DYNLL1: variants seen among roughly 807,000 people sequenced by gnomAD.
The protein encoded by DYNLL1 is dynein light chain LC8-type 1.
In DYNLL1, 3 loss-of-function variants were observed where a neutral mutation model predicts 10.1. The ratio of observed to expected loss-of-function variants is 0.30; its 90% confidence interval spans 0.14 to 0.77. The LOEUF is 0.77. DYNLL1 is among the 30% of genes least tolerant of loss of function. DYNLL1 has a pLI of 0.66. For missense variants in DYNLL1, 47 were observed against 111.7 expected (o/e 0.42, Z 2.61); for synonymous variants, 46 against 41.2 (o/e 1.12, Z -0.45).
intron 1 of DYNLL1, among the ~76,000 whole-genome samples, chr12:120,489,699 C>G (rs1024573727): frequency 3.3e-5 from 5 of 152,166 alleles, no homozygotes; most frequent in African/African-American, 9.7e-5. Flanking sequence ...TCCTAGAAAA[C>G]TCTTTAAAAC....
chr12:120,486,316 C>T (rs1490533614), intron 1 of DYNLL1, among the ~76,000 whole-genome samples: 1 of 152,064 alleles, frequency 6.6e-6, no homozygotes, highest in African/African-American at 2.4e-5. Context: ...CTGGAAGAAA[C>T]AGATTATTAT....
intron 1 of DYNLL1, among the ~76,000 whole-genome samples, chr12:120,480,065 G>A (rs1306768386): frequency 2.0e-5 from 3 of 152,152 alleles, no homozygotes; most frequent in Non-Finnish European, 4.4e-5. Flanking sequence ...GCAAAAGGAT[G>A]CTTGTTTGGA....
intron 1 of DYNLL1, among the ~76,000 whole-genome samples, chr12:120,477,102 T>C (rs1191585648): frequency 6.6e-6 from 1 of 151,108 alleles, no homozygotes; most frequent in Non-Finnish European, 1.5e-5. Context: ...GATAATTTTG[T>C]ATTTTTAGTA....
intron 1 of DYNLL1, among the ~76,000 whole-genome samples, chr12:120,489,404 T>A (rs1325577557): frequency 6.6e-6 from 1 of 152,252 alleles, no homozygotes; most frequent in East Asian, 1.9e-4. Flanking sequence ...CTCACAAGTC[T>A]GGAGTCATCC....
At chr12:120,495,992 G>A (rs988990971), upstream of DYNLL1, 1 of 267,274 alleles carries the variant, frequency 3.7e-6, no homozygotes. Flanking sequence ...GGAGTCAATG[G>A]ACCAATGGAA....
chr12:120,494,696 T>TC (rs1178085678), upstream of DYNLL1, among the ~76,000 whole-genome samples: 107 of 152,254 alleles, frequency 7.0e-4, 3 homozygotes, highest in Non-Finnish European at 1.2e-4. Context: ...GCTCAAGCGA[T>TC]CCCCTTGACT....
intron 1 of DYNLL1, among the ~76,000 whole-genome samples, chr12:120,472,297 C>T (rs1367677287): frequency 6.6e-6 from 1 of 152,158 alleles, no homozygotes; most frequent in African/African-American, 2.4e-5. Context: ...TTAGCATGCA[C>T]TACTTTTATA....
intron 1 of DYNLL1, among the ~76,000 whole-genome samples, chr12:120,489,027 G>A (rs1192830920): frequency 9.2e-5 from 14 of 152,166 alleles, no homozygotes; most frequent in Non-Finnish European, 2.9e-5. Flanking sequence ...GTAAGTAATA[G>A]AGCTTCTCTG....
At chr12:120,479,158 C>T (rs962110840) in intron 1 of DYNLL1, among the ~76,000 whole-genome samples, 33 of 149,622 alleles carry the variant, frequency 2.2e-4, no homozygotes, top group African/African-American at 6.4e-4. Context: ...AGCAAGTCTC[C>T]GTGTAAAAAA....
chr12:120,488,788 C>T (rs556973391), intron 1 of DYNLL1: 1 of 152,162 alleles, frequency 6.6e-6, no homozygotes, highest in Admixed American at 6.5e-5. Context: ...TGGTGCATGC[C>T]GGTAATCCCA....
chr12:120,474,410 T>C (rs184656202), intron 1 of DYNLL1, among the ~76,000 whole-genome samples: 87 of 148,314 alleles, frequency 5.9e-4, no homozygotes, highest in African/African-American at 2.1e-3. Context: ...TCCACCAGAG[T>C]GTAGGGCAGT....
chr12:120,481,518 T>G (rs1172504149), intron 1 of DYNLL1, among the ~76,000 whole-genome samples: 1 of 152,288 alleles, frequency 6.6e-6, no homozygotes, highest in African/African-American at 2.4e-5. Context: ...CTTATTTACA[T>G]TTTCCAGTTT....
chr12:120,497,786 G>A (rs1049676935), intron 2 of DYNLL1: 20 of 342,840 alleles, frequency 5.8e-5, no homozygotes, highest in African/African-American at 3.6e-4. Context: ...GAATATTATA[G>A]AAGGTATGAA....
At chr12:120,496,107 C>T (rs530243574), upstream of DYNLL1, 20 of 464,910 alleles carry the variant, frequency 4.3e-5, no homozygotes, top group African/African-American at 1.6e-4. Context: ...TGGCGTGGGG[C>T]TGCTTAGATG....
At chr12:120,477,024 G>C (rs1341792803) in intron 1 of DYNLL1, among the ~76,000 whole-genome samples, 1 of 151,904 alleles carries the variant, frequency 6.6e-6, no homozygotes, top group Non-Finnish European at 1.5e-5. Flanking sequence ...CTGCCTCCTA[G>C]GTTCAAGCGA....
chr12:120,482,016 C>T (rs1452710325), intron 1 of DYNLL1, among the ~76,000 whole-genome samples: 2 of 152,080 alleles, frequency 1.3e-5, no homozygotes, highest in Non-Finnish European at 2.9e-5. Context: ...GCTTGGCCTT[C>T]TCTTGTTAAT....
At chr12:120,478,339 G>A (rs1206487589) in intron 1 of DYNLL1, among the ~76,000 whole-genome samples, 13 of 146,886 alleles carry the variant, frequency 8.9e-5, no homozygotes, top group Non-Finnish European at 1.7e-4. Context: ...ACTCCCTACC[G>A]CAGGTGATCC....
At chr12:120,482,771 T>G (rs1369110700) in intron 1 of DYNLL1, among the ~76,000 whole-genome samples, 1 of 151,856 alleles carries the variant, frequency 6.6e-6, no homozygotes, top group Non-Finnish European at 1.5e-5. Flanking sequence ...TAGGGTGGTA[T>G]CAGCAAAAAG....
upstream of DYNLL1, among the ~76,000 whole-genome samples, chr12:120,493,067 C>T (rs368795396): frequency 2.6e-5 from 4 of 152,068 alleles, no homozygotes; most frequent in East Asian, 5.8e-4. Context: ...GAACCCTCCT[C>T]GAGGGTAGCA....
Sources: gnomAD v4.1 joint callset for allele counts (sites outside exome capture counted in the v4.1 genomes callset) on GRCh38, gnomAD v4.1.1 for gene constraint, MANE v1.5 for transcripts, NCBI Gene and HGNC (gene_info 2026-07-23, HGNC 2026-07-21) for gene names.